Variants in STK33 observed in about 807,000 individuals in gnomAD.
STK33 encodes serine/threonine-protein kinase 33.
Under a neutral mutation model 58.0 loss-of-function variants are expected in STK33, and 52 were observed. The ratio of observed to expected loss-of-function variants is 0.90; its 90% CI spans 0.72 to 1.13. The LOEUF (loss-of-function observed/expected upper bound fraction) is 1.13, where lower values mean the gene tolerates loss of function less well. Ranked by LOEUF, STK33 falls within the 50% of genes most tolerant of loss-of-function variation. The pLI, the probability that STK33 is intolerant of heterozygous loss-of-function variation, is 0.00. For missense variants in STK33, 630 were observed against 604.2 expected (o/e 1.04, Z -0.45); for synonymous variants, 215 against 200.1 (o/e 1.07, Z -0.63).
intron 1 of STK33, among the ~76,000 whole-genome samples, chr11:8,579,231 T>A (rs182047316): frequency 1.5e-4 from 23 of 152,142 alleles, no homozygotes; most frequent in African/African-American, 5.5e-4. Context: ...CATCATACAT[T>A]TGGTATAGGT....
At chr11:8,454,400 G>A (rs79330550) in intron 10 of STK33, among the ~76,000 whole-genome samples, 7,308 of 152,094 alleles carry the variant, frequency 0.048, 256 homozygotes, top group Non-Finnish European at 0.065. Context: ...AAAAGCACAC[G>A]CAAGGTGTGC....
chr11:8,589,161 T>C (rs2032197030), intron 1 of STK33, among the ~76,000 whole-genome samples: 1 of 152,080 alleles, frequency 6.6e-6, no homozygotes, highest in East Asian at 1.9e-4. Flanking sequence ...ATTCCACTCC[T>C]AGAGAACCCA....
chr11:8,342,534 G>T, the STK33 span, among the ~76,000 whole-genome samples: 1 of 152,232 alleles, frequency 6.6e-6, no homozygotes. Flanking sequence ...ATGCTAGCTA[G>T]GTCCCCTTGA....
At chr11:8,479,124 G>A (rs550117801) in intron 2 of STK33, among the ~76,000 whole-genome samples, 2 of 152,144 alleles carry the variant, frequency 1.3e-5, no homozygotes, top group Non-Finnish European at 2.9e-5. Flanking sequence ...AGTTAAAAGC[G>A]AGAACAGAGG....
the STK33 span, among the ~76,000 whole-genome samples, chr11:8,372,071 G>A: frequency 1.3e-5 from 2 of 151,804 alleles, no homozygotes; most frequent in African/African-American, 2.4e-5. Flanking sequence ...GGCTCACTTT[G>A]TTGCCCAGGC....
At chr11:8,526,971 CTT>C (rs34815448) in intron 1 of STK33, among the ~76,000 whole-genome samples, 149 of 127,606 alleles carry the variant, frequency 1.2e-3, no homozygotes, top group African/African-American at 3.2e-3. Flanking sequence ...GAGATTTCCT[CTT>C]TTTTTTTTTT....
At chr11:8,555,942 G>A (rs1956715976) in intron 1 of STK33, among the ~76,000 whole-genome samples, 1 of 152,170 alleles carries the variant, frequency 6.6e-6, no homozygotes, top group Admixed American at 6.5e-5. Flanking sequence ...GTAACTTCCA[G>A]CTAGGGTGAT....
the STK33 span, among the ~76,000 whole-genome samples, chr11:8,343,200 C>T: frequency 3.3e-5 from 5 of 152,366 alleles, no homozygotes; most frequent in African/African-American, 1.2e-4. Context: ...GAGGGGGCAG[C>T]GCCTGTCTGG....
At chr11:8,419,358 GTT>G (rs1157211282) in intron 14 of STK33, among the ~76,000 whole-genome samples, 2 of 152,072 alleles carry the variant, frequency 1.3e-5, no homozygotes, top group Non-Finnish European at 2.9e-5. Flanking sequence ...CCACTGCTTG[GTT>G]TTGTCAGCTT....
At chr11:8,370,985 C>T in the STK33 span, among the ~76,000 whole-genome samples, 1 of 152,034 alleles carries the variant, frequency 6.6e-6, no homozygotes, top group East Asian at 1.9e-4. Context: ...GGGCTGTTTG[C>T]CCTGGACCGA....
chr11:8,566,228 T>A (rs1412692671), intron 1 of STK33, among the ~76,000 whole-genome samples: 1 of 152,230 alleles, frequency 6.6e-6, no homozygotes, highest in Non-Finnish European at 1.5e-5. Flanking sequence ...AAAATGCAGC[T>A]TCTAAATAGA....
the STK33 span, among the ~76,000 whole-genome samples, chr11:8,378,514 A>G: frequency 9.6e-3 from 1,455 of 152,318 alleles, 38 homozygotes; most frequent in African/African-American, 0.034. Context: ...GTGAAACTCC[A>G]TCTCAAAAAA....
chr11:8,532,825 T>C (rs182608147), intron 1 of STK33, among the ~76,000 whole-genome samples: 48 of 152,340 alleles, frequency 3.2e-4, no homozygotes, highest in African/African-American at 1.2e-3. Context: ...TCAAAATCTG[T>C]TGGATAACTG....
chr11:8,420,935 G>A (rs1343357354), intron 14 of STK33, among the ~76,000 whole-genome samples: 1 of 151,746 alleles, frequency 6.6e-6, no homozygotes, highest in Non-Finnish European at 1.5e-5. Flanking sequence ...AGGAGTTAGA[G>A]GCTGAAGTGG....
At chr11:8,454,684 T>A (rs1458255178) in intron 10 of STK33, 60 bp downstream of exon 10, 1 of 1,504,710 alleles carries the variant, frequency 6.6e-7, no homozygotes, top group East Asian at 2.5e-5. Flanking sequence ...GAGGATGTAC[T>A]TTGCCACTTT....
chr11:8,536,579 A>G (rs1442655536), intron 1 of STK33, among the ~76,000 whole-genome samples: 1 of 152,206 alleles, frequency 6.6e-6, no homozygotes, highest in Non-Finnish European at 1.5e-5. Context: ...AATAGGAAAT[A>G]CAAAGCACCA....
chr11:8,406,554 C>A (rs1046777192), intron 15 of STK33, among the ~76,000 whole-genome samples: 1 of 152,280 alleles, frequency 6.6e-6, no homozygotes, highest in South Asian at 2.1e-4. Context: ...TGCTCAACAG[C>A]ATTTCATGGT....
intron 11 of STK33, among the ~76,000 whole-genome samples, chr11:8,441,048 ATAG>A (rs775305197): frequency 1.3e-5 from 2 of 152,242 alleles, no homozygotes; most frequent in Non-Finnish European, 2.9e-5. Context: ...TTCTGTAGTT[ATAG>A]TAGAAGACAA....
At chr11:8,390,657 T>A (rs1187291105), downstream of STK33, among the ~76,000 whole-genome samples, 1 of 152,108 alleles carries the variant, frequency 6.6e-6, no homozygotes, top group African/African-American at 2.4e-5. Context: ...AACACCTCGA[T>A]GGAGGGGCGT....
Sources: allele counts gnomAD v4.1 joint callset (sites outside exome capture counted in the v4.1 genomes callset), GRCh38; gene constraint gnomAD v4.1.1; transcripts MANE v1.5; gene names NCBI Gene and HGNC (gene_info 2026-07-23, HGNC 2026-07-21).